Variants in CNTNAP5 observed in about 807,000 individuals in gnomAD.
CNTNAP5 encodes the protein contactin associated protein family member 5.
A neutral mutation model predicts 150.2 loss-of-function variants in CNTNAP5; 72 were observed. That is an observed-to-expected ratio of 0.48 (90% CI 0.40 to 0.58). The LOEUF is 0.58. Ranked by LOEUF, CNTNAP5 falls within the 20% of genes least tolerant of loss-of-function variation. The probability of loss-of-function intolerance (pLI) is 0.00; values close to 1 mark genes in which losing one functional copy is unlikely to be tolerated. For synonymous variants in CNTNAP5, 672 were observed against 619.8 expected (o/e 1.08, Z -1.25); for missense variants, 1,636 against 1,626.2 (o/e 1.01, Z -0.10).
At chr2:124,239,605 C>T (rs911607859) in intron 2 of CNTNAP5, among the ~76,000 whole-genome samples, 1 of 151,974 alleles carries the variant, frequency 6.6e-6, no homozygotes, top group Non-Finnish European at 1.5e-5. Flanking sequence ...AGTATAAAAT[C>T]ACTCATACAT....
chr2:124,488,152 C>T (rs1004713657), intron 7 of CNTNAP5, among the ~76,000 whole-genome samples: 2 of 151,972 alleles, frequency 1.3e-5, no homozygotes, highest in African/African-American at 2.4e-5. Context: ...AGAAGTCACC[C>T]GCAATTTTAT....
intron 3 of CNTNAP5, among the ~76,000 whole-genome samples, chr2:124,299,648 T>C (rs1296520948): frequency 6.6e-6 from 1 of 152,124 alleles, no homozygotes; most frequent in African/African-American, 2.4e-5. Context: ...GCAATGAACA[T>C]GTGCGTGCGT....
chr2:124,287,699 T>G (rs564030084), intron 3 of CNTNAP5, among the ~76,000 whole-genome samples: 20 of 152,312 alleles, frequency 1.3e-4, no homozygotes, highest in Middle Eastern at 3.4e-3. Context: ...AATTCTCATC[T>G]AAGAGCCTAG....
chr2:124,286,102 G>A (rs1481452757), intron 3 of CNTNAP5, among the ~76,000 whole-genome samples: 1 of 152,046 alleles, frequency 6.6e-6, no homozygotes, highest in Non-Finnish European at 1.5e-5. Flanking sequence ...CACTAAACTA[G>A]GTATTTGAAT....
intron 19 of CNTNAP5, among the ~76,000 whole-genome samples, chr2:124,809,886 G>A (rs1027732491): frequency 2.6e-5 from 4 of 152,112 alleles, no homozygotes; most frequent in Admixed American, 2.6e-4. Flanking sequence ...ACCCAGCACA[G>A]TGCATAGAAA....
chr2:124,126,314 T>C (rs1347348291), intron 1 of CNTNAP5, among the ~76,000 whole-genome samples: 3 of 152,064 alleles, frequency 2.0e-5, no homozygotes, highest in Admixed American at 1.3e-4. Context: ...CTAGAAGAAA[T>C]GGATAAATTC....
chr2:124,434,472 C>T lies in CNTNAP5; in HGVS notation c.530-12C>T, dbSNP rs1472078156. 1.2e-6 allele frequency: 2 copies of T among 1,611,166 alleles called. No individual in the cohort carries two copies. The highest frequency in any genetic ancestry group is 1.7e-6 in the Non-Finnish European group (2 of 1,177,294). Reference sequence around the variant, plus strand: ...CACTAATTTTTCTTTCCCGCTCCTTCTTTGTTCCCAGAATCAGATGTTGCT... The same window carrying T: ...CACTAATTTTTCTTTCCCGCTCCTTTTTTGTTCCCAGAATCAGATGTTGCT... On this transcript the variant is annotated splice_polypyrimidine_tract_variant and intron_variant, in intron 4 of 23. Coordinates refer to ENST00000682447, the MANE Select transcript of CNTNAP5 (RefSeq NM_001367498.1).
At chr2:124,201,042 C>G (rs553434213) in intron 1 of CNTNAP5, among the ~76,000 whole-genome samples, 50 of 152,294 alleles carry the variant, frequency 3.3e-4, no homozygotes, top group Non-Finnish European at 5.7e-4. Context: ...TTCATTTTCT[C>G]TTTTTGCTGG....
chr2:124,568,855 C>A (rs13031933), intron 11 of CNTNAP5, among the ~76,000 whole-genome samples: 61,996 of 151,846 alleles, frequency 0.41, 13,911 homozygotes, highest in East Asian at 0.98. Flanking sequence ...ACTATCCTGG[C>A]TAACACGGTG....
chr2:124,340,757 A>G (rs575583767), intron 3 of CNTNAP5, among the ~76,000 whole-genome samples: 3 of 150,890 alleles, frequency 2.0e-5, no homozygotes, highest in African/African-American at 7.3e-5. Flanking sequence ...TGTCTCTACC[A>G]AAAACAAACA....
chr2:124,696,017 G>A (rs543633260), intron 13 of CNTNAP5, among the ~76,000 whole-genome samples: 135 of 152,254 alleles, frequency 8.9e-4, no homozygotes, highest in African/African-American at 3.2e-3. Flanking sequence ...GAGTCAGAAT[G>A]TCAACCTGGA....
At chr2:124,317,900 T>C (rs1192231407) in intron 3 of CNTNAP5, among the ~76,000 whole-genome samples, 1 of 152,194 alleles carries the variant, frequency 6.6e-6, no homozygotes, top group African/African-American at 2.4e-5. Context: ...AAGCCAGCAG[T>C]ATGCTAGACA....
chr2:124,343,453 G>C (rs1689666511), intron 3 of CNTNAP5, among the ~76,000 whole-genome samples: 1 of 152,154 alleles, frequency 6.6e-6, no homozygotes, highest in Non-Finnish European at 1.5e-5. Context: ...CCAAAAGTTA[G>C]TTTGGGGGTC....
At chr2:124,588,398 T>C (rs935896098) in intron 11 of CNTNAP5, among the ~76,000 whole-genome samples, 1 of 152,050 alleles carries the variant, frequency 6.6e-6, no homozygotes, top group African/African-American at 2.4e-5. Context: ...ATAATTTGCA[T>C]GCCTATCTTG....
At chr2:124,727,231 A>G (rs1399522616) in intron 13 of CNTNAP5, among the ~76,000 whole-genome samples, 1 of 152,024 alleles carries the variant, frequency 6.6e-6, no homozygotes, top group African/African-American at 2.4e-5. Flanking sequence ...TATTATGACT[A>G]CTGTAGCTTT....
rs954741698 is a variant in CNTNAP5, at chr2:124,294,035, G to A, written c.381+51642G>A. 2.6e-5 allele frequency among the ~76,000 whole-genome samples: 4 copies of A among 152,160 alleles called. No homozygotes were observed. In the South Asian group the frequency reaches 8.3e-4, roughly 31 times the overall value. On this transcript the variant is annotated intron_variant, in intron 3 of 23. Coordinates refer to ENST00000682447, the MANE Select transcript of CNTNAP5 (RefSeq NM_001367498.1). ...ACCACTGTGAAGTTGATCCCAGGAT[G>A]CATGGGGCTGGGAGAAAGGGTAGGG...
chr2:124,495,742 C>T (rs546881912), intron 7 of CNTNAP5, among the ~76,000 whole-genome samples: 1 of 152,290 alleles, frequency 6.6e-6, no homozygotes, highest in Admixed American at 6.5e-5. Flanking sequence ...AAATTCCTAA[C>T]ATGTATTATG....
At chr2:124,489,860 C>T (rs1013420294) in intron 7 of CNTNAP5, among the ~76,000 whole-genome samples, 1 of 152,144 alleles carries the variant, frequency 6.6e-6, no homozygotes, top group Non-Finnish European at 1.5e-5. Flanking sequence ...CAGCTCCCTT[C>T]AAGGAGCCTT....
intron 7 of CNTNAP5, among the ~76,000 whole-genome samples, chr2:124,496,089 A>G (rs1694136350): frequency 6.6e-6 from 1 of 152,122 alleles, no homozygotes; most frequent in South Asian, 2.1e-4. Context: ...CGTAGTCATG[A>G]GAATCAAGGT....
Sources: gnomAD v4.1 joint callset for allele counts (sites outside exome capture counted in the v4.1 genomes callset) on GRCh38, gnomAD v4.1.1 for gene constraint, MANE v1.5 for transcripts, NCBI Gene and HGNC (gene_info 2026-07-23, HGNC 2026-07-21) for gene names.